UBE3D: variants seen among roughly 807,000 people sequenced by gnomAD.
UBE3D encodes the protein E3 ubiquitin-protein ligase E3D.
Under a neutral mutation model 49.6 loss-of-function variants are expected in UBE3D, and 48 were observed. The ratio of observed to expected loss-of-function variants is 0.97; its 90% CI spans 0.77 to 1.23. The LOEUF (loss-of-function observed/expected upper bound fraction) is 1.23. Ranked by LOEUF, UBE3D falls within the 50% of genes most tolerant of loss-of-function variation. UBE3D has a pLI of 0.00. For missense variants in UBE3D, 452 were observed against 468.4 expected (o/e 0.96, Z 0.32); for synonymous variants, 189 against 174.2 (o/e 1.08, Z -0.67).
intron 9 of UBE3D, among the ~76,000 whole-genome samples, chr6:82,901,803 A>G (rs1771756788): frequency 6.6e-6 from 1 of 152,184 alleles, no homozygotes; most frequent in Non-Finnish European, 1.5e-5. Context: ...ATCCAGTCCT[A>G]TTTCCCAATA....
At chr6:83,059,592 T>C (rs1246475771) in intron 1 of UBE3D, among the ~76,000 whole-genome samples, 3 of 152,224 alleles carry the variant, frequency 2.0e-5, no homozygotes, top group Non-Finnish European at 4.4e-5. Flanking sequence ...ACTGGGTTCC[T>C]AAGTCCCCAT....
intron 8 of UBE3D, among the ~76,000 whole-genome samples, chr6:83,003,391 TA>T (rs530208217): frequency 1.5e-4 from 22 of 147,680 alleles, no homozygotes; most frequent in African/African-American, 2.5e-4. Flanking sequence ...TTATTTCTAG[TA>T]AAAAAAAAAG....
intron 9 of UBE3D, among the ~76,000 whole-genome samples, chr6:82,947,515 T>C (rs1775490931): frequency 9.4e-6 from 1 of 106,482 alleles, no homozygotes; most frequent in African/African-American, 3.5e-5. Flanking sequence ...TTTTAATTTC[T>C]TTTCTTTTCT....
chr6:83,040,478 G>C (rs1183661628), intron 4 of UBE3D, among the ~76,000 whole-genome samples: 1 of 151,612 alleles, frequency 6.6e-6, no homozygotes, highest in Non-Finnish European at 1.5e-5. Flanking sequence ...TTTCTCTATG[G>C]CCTATTCTTT....
chr6:82,948,874 C>A (rs569763700), intron 9 of UBE3D, among the ~76,000 whole-genome samples: 1 of 146,790 alleles, frequency 6.8e-6, no homozygotes, highest in South Asian at 2.2e-4. Flanking sequence ...CATACCTCAA[C>A]ACAAAAAAAA....
chr6:83,041,185 A>T (rs1782646438), intron 4 of UBE3D, among the ~76,000 whole-genome samples: 1 of 152,246 alleles, frequency 6.6e-6, no homozygotes, highest in African/African-American at 2.4e-5. Context: ...TTGAAGCAGA[A>T]AATTTTTTTT....
rs116195448 is a variant in UBE3D, at chr6:82,917,720, G to A, written c.1150-24678C>T. On this transcript the variant is annotated intron_variant, in intron 9 of 9. Transcript: ENST00000369747. ...GGAAAGGCAGAGACTTAAGGCAGAA[G>A]TGGGAAACCAGACAAAGACAAAGGC... is the stretch of plus-strand genomic sequence containing the variant. Among the ~76,000 whole-genome samples, 639 of 152,310 alleles carry A rather than the reference G, an allele frequency of 4.2e-3. 7 individuals are homozygous for A. The highest frequency in any genetic ancestry group is 0.014 in the African/African-American group (602 of 41,558).
At chr6:82,976,150 C>A (rs931091269) in intron 8 of UBE3D, among the ~76,000 whole-genome samples, 2 of 152,136 alleles carry the variant, frequency 1.3e-5, no homozygotes, top group African/African-American at 4.8e-5. Context: ...AGAAACAAAC[C>A]GGGGAATGTG....
intron 9 of UBE3D, among the ~76,000 whole-genome samples, chr6:82,925,734 GT>G (rs1773700508): frequency 6.6e-6 from 1 of 152,100 alleles, no homozygotes; most frequent in South Asian, 2.1e-4. Context: ...AGAGGATTTT[GT>G]TGCTTTTAAG....
chr6:82,893,154 T>C, intron 9 of UBE3D, 112 bp from the exon 10 acceptor site: 1 of 1,267,744 alleles, frequency 7.9e-7, no homozygotes, highest in African/African-American at 1.5e-5. Context: ...CATATGCTTG[T>C]TTAAACAGAA....
chr6:83,015,323 G>A (rs527971180), intron 8 of UBE3D, among the ~76,000 whole-genome samples: 3 of 152,186 alleles, frequency 2.0e-5, no homozygotes, highest in South Asian at 4.2e-4. Flanking sequence ...CTAAGCCTTT[G>A]GATCCCTTCC....
intron 8 of UBE3D, among the ~76,000 whole-genome samples, chr6:82,959,260 G>C (rs766832493): frequency 6.6e-6 from 1 of 150,442 alleles, no homozygotes; most frequent in Admixed American, 6.6e-5. Flanking sequence ...AATCTGTAGA[G>C]CATAAGTCTT....
intron 9 of UBE3D, among the ~76,000 whole-genome samples, chr6:82,954,110 G>C (rs1775994101): frequency 6.6e-6 from 1 of 152,136 alleles, no homozygotes; most frequent in Non-Finnish European, 1.5e-5. Context: ...GATGTTCCCC[G>C]GCCTTATTGG....
chr6:82,986,868 T>A (rs970374915), intron 8 of UBE3D, among the ~76,000 whole-genome samples: 20 of 149,004 alleles, frequency 1.3e-4, no homozygotes, highest in African/African-American at 4.6e-4. Context: ...ATTTTATATA[T>A]AATAAATTAA....
intron 9 of UBE3D, among the ~76,000 whole-genome samples, chr6:82,946,978 CAGGA>C: frequency 6.7e-6 from 1 of 148,532 alleles, no homozygotes. Flanking sequence ...AAAAGCAAGA[CAGGA>C]AGGAAAGAAG....
intron 9 of UBE3D, among the ~76,000 whole-genome samples, chr6:82,900,237 T>C (rs1015480406): frequency 1.3e-5 from 2 of 152,190 alleles, no homozygotes; most frequent in Admixed American, 6.5e-5. Flanking sequence ...ATAAAGTGCT[T>C]TTCTATAGTA....
chr6:83,041,841 TAA>T (rs1424519863), intron 4 of UBE3D, among the ~76,000 whole-genome samples: 4 of 152,288 alleles, frequency 2.6e-5, no homozygotes, highest in African/African-American at 7.2e-5. Context: ...ATTTGCTCTT[TAA>T]AAAAGAGTGA....
At chr6:83,005,726 G>A (rs1383565304) in intron 8 of UBE3D, among the ~76,000 whole-genome samples, 33 of 151,876 alleles carry the variant, frequency 2.2e-4, no homozygotes, top group Admixed American at 2.2e-3. Flanking sequence ...CCAAGAGGTA[G>A]AAGCAACCGA....
intron 9 of UBE3D, among the ~76,000 whole-genome samples, chr6:82,906,134 TAC>T (rs1462486663): frequency 3.3e-5 from 5 of 152,174 alleles, no homozygotes; most frequent in African/African-American, 1.2e-4. Context: ...AACTAGCTCA[TAC>T]ATTTTTTTTT....
Sources: allele counts gnomAD v4.1 joint callset (sites outside exome capture counted in the v4.1 genomes callset), GRCh38; gene constraint gnomAD v4.1.1; transcripts MANE v1.5; gene names NCBI Gene and HGNC (gene_info 2026-07-23, HGNC 2026-07-21).